Variants in FAT3 observed in about 807,000 individuals in gnomAD.
FAT3 encodes FAT atypical cadherin 3.
Under a neutral mutation model 310.2 loss-of-function variants are expected in FAT3, and 95 were observed. The observed-to-expected ratio is 0.31, with a 90% CI of 0.26 to 0.36. The LOEUF (loss-of-function observed/expected upper bound fraction) is 0.36. FAT3 is among the 10% of genes least tolerant of loss of function. The pLI, the probability that FAT3 is intolerant of heterozygous loss-of-function variation, is 1.00. For synonymous variants in FAT3, 2,314 were observed against 2,192.9 expected, an observed-to-expected ratio of 1.06 and a Z score of -1.54; for missense variants, 5,408 against 5,715.6, an observed-to-expected ratio of 0.95 and a Z score of 1.74.
intron 2 of FAT3, among the ~76,000 whole-genome samples, chr11:92,442,102 TATATATA>T (rs1264431710): frequency 2.3e-3 from 115 of 51,028 alleles, no homozygotes; most frequent in Non-Finnish European, 2.6e-3. Context: ...TATATATATA[TATATATA>T]TATTTTTTTT....
At chr11:92,885,097 A>G (rs1778393259) in intron 24 of FAT3, among the ~76,000 whole-genome samples, 1 of 152,220 alleles carries the variant, frequency 6.6e-6, no homozygotes, top group Non-Finnish European at 1.5e-5. Context: ...AAATAGATGT[A>G]TAGTGAGCCT....
At position 92,866,168 on chromosome 11, in the gene FAT3, C is replaced by G. The variant is rs1452353555; in HGVS notation, c.11659-573C>G. On this transcript the variant is annotated intron_variant, in intron 21 of 27. Transcript: ENST00000525166. ...ATTTCTACCAGGCCTCTTTCTTTCC[C>G]CTGTGGAGCACTCATATAAATGTAT... 4.6e-5 allele frequency among the ~76,000 whole-genome samples: 7 copies of G among 152,152 alleles called. No individual in the cohort carries two copies. In the East Asian group the frequency reaches 1.3e-3, roughly 29 times the overall value.
In FAT3 at chr11:92,412,752, C is replaced by CACACATATATATATATATATAT. The variant is rs1565296555; in HGVS notation, c.3292+57349_3292+57350insCACATATATATATATATATATA. Reference sequence around the variant, plus strand: ...ATATATATATATATATATAAATATACATACATATATATATATTTAATGTAA... The same window carrying CACACATATATATATATATATAT: ...ATATATATATATATATATAAATATACACACATATATATATATATATATATACATATATATATATTTAATGTAA... On this transcript the variant is annotated intron_variant, in intron 2 of 27. Coordinates refer to ENST00000525166, the MANE Select transcript of FAT3 (RefSeq NM_001367949.2). Among the ~76,000 whole-genome samples, 10 of 24,274 alleles carry CACACATATATATATATATATAT rather than the reference C, an allele frequency of 4.1e-4. 2 individuals are homozygous for CACACATATATATATATATATAT. Among genetic ancestry groups the CACACATATATATATATATATAT allele is most frequent in the African/African-American group, 1.1e-3 (10 of 9,326 alleles). The allele number at this position is 24,274 out of a possible 152,430, so 15.9% of individuals were successfully genotyped here. A position where few individuals can be genotyped will look rare whatever the true frequency, so the allele number is the denominator to read the frequency against.
chr11:92,659,748 G>A (rs1302770793), intron 3 of FAT3, among the ~76,000 whole-genome samples: 1 of 152,172 alleles, frequency 6.6e-6, no homozygotes, highest in Non-Finnish European at 1.5e-5. Flanking sequence ...CGTGAGTTAT[G>A]AGTGCTGATT....
intron 3 of FAT3, among the ~76,000 whole-genome samples, chr11:92,658,041 A>G (rs1159180658): frequency 6.6e-6 from 1 of 152,252 alleles, no homozygotes; most frequent in Non-Finnish European, 1.5e-5. Flanking sequence ...TTAGCTCAGT[A>G]TACAGGAAAC....
At chr11:92,245,241 A>T (rs1179368994) in intron 1 of FAT3, among the ~76,000 whole-genome samples, 1 of 152,114 alleles carries the variant, frequency 6.6e-6, no homozygotes. Flanking sequence ...TAACACAAGA[A>T]TAGAAAACCA....
intron 2 of FAT3, among the ~76,000 whole-genome samples, chr11:92,375,370 G>A (rs1470744518): frequency 6.6e-6 from 1 of 152,054 alleles, no homozygotes; most frequent in Non-Finnish European, 1.5e-5. Flanking sequence ...TGAACTCCTA[G>A]GCTCAAGCTC....
chr11:92,444,266 C>T (rs1951156946), intron 2 of FAT3, among the ~76,000 whole-genome samples: 1 of 152,052 alleles, frequency 6.6e-6, no homozygotes, highest in Non-Finnish European at 1.5e-5. Flanking sequence ...GGGATTTACT[C>T]AATCCAGTTA....
chr11:92,837,538 G>A (rs928392112), intron 16 of FAT3, 125 bp from the exon 17 acceptor site: 1 of 1,203,616 alleles, frequency 8.3e-7, no homozygotes, highest in East Asian at 2.5e-5. Context: ...CACCCGGTCT[G>A]GAAAATCAAA....
intron 4 of FAT3, among the ~76,000 whole-genome samples, chr11:92,700,985 G>C (rs530184634): frequency 6.6e-6 from 1 of 152,252 alleles, no homozygotes; most frequent in African/African-American, 2.4e-5. Context: ...GTATCATTGA[G>C]AATGTAGAAT....
rs187505035 is a variant in FAT3 at position 92,644,795 on chromosome 11, G to A, written c.3608-52589G>A. On this transcript the variant is annotated intron_variant, in intron 3 of 27. Transcript: ENST00000525166. ...GGCAGAGTCAGAAGTTAATTGAAGC[G>A]GCTGCCACATCGCATCTCACAGAGA... Among the ~76,000 whole-genome samples, 7 of 152,324 alleles carry A rather than the reference G, an allele frequency of 4.6e-5. No homozygotes were observed. In the South Asian group the frequency reaches 6.2e-4, roughly 14 times the overall value.
intron 12 of FAT3, among the ~76,000 whole-genome samples, chr11:92,808,200 A>T (rs892793266): frequency 6.6e-6 from 1 of 152,240 alleles, no homozygotes; most frequent in Admixed American, 6.5e-5. Flanking sequence ...CCCAGGGGAT[A>T]TTGTAATCCA....
At chr11:92,726,451 T>C (rs1239880782) in intron 4 of FAT3, among the ~76,000 whole-genome samples, 1 of 152,152 alleles carries the variant, frequency 6.6e-6, no homozygotes, top group Non-Finnish European at 1.5e-5. Context: ...GAAATTGTGG[T>C]TACGATGTTT....
chr11:92,396,895 C>T (rs1457296270), intron 2 of FAT3, among the ~76,000 whole-genome samples: 2 of 152,048 alleles, frequency 1.3e-5, no homozygotes, highest in African/African-American at 4.8e-5. Flanking sequence ...CTAGTAGAGA[C>T]AGGGTTTCAC....
intron 1 of FAT3, among the ~76,000 whole-genome samples, chr11:92,331,380 G>A (rs77689757): frequency 0.014 from 2,134 of 151,914 alleles, 50 homozygotes; most frequent in African/African-American, 0.049. Flanking sequence ...TCTTCAGGCA[G>A]GTCATATATT....
At chr11:92,565,461 A>T (rs1177782768) in intron 3 of FAT3, among the ~76,000 whole-genome samples, 4 of 142,780 alleles carry the variant, frequency 2.8e-5, no homozygotes, top group African/African-American at 1.0e-4. Context: ...CAGAGGTACA[A>T]GGAGGAACTG....
chr11:92,882,308 A>G (rs1253539449), intron 23 of FAT3, among the ~76,000 whole-genome samples: 2 of 152,204 alleles, frequency 1.3e-5, no homozygotes, highest in African/African-American at 4.8e-5. Flanking sequence ...ATTTTACATA[A>G]TGTGAAAGAT....
chr11:92,537,961 A>G lies in FAT3; in HGVS notation c.3607+13013A>G, dbSNP rs576552213. 3.7e-4 allele frequency among the ~76,000 whole-genome samples: 56 copies of G among 152,202 alleles called. 1 individual carries two copies. Among genetic ancestry groups the G allele is most frequent in the South Asian group, 1.0e-3 (5 of 4,822 alleles). ...ATATCAGGGAAAGATATTTATCTTT[A>G]TAAGTCATGTTATTGCTGGGAGTTT... On this transcript the variant is annotated intron_variant, in intron 3 of 27. Transcript: ENST00000525166.
chr11:92,566,116 T>G (rs1042200279), intron 3 of FAT3, among the ~76,000 whole-genome samples: 3 of 152,206 alleles, frequency 2.0e-5, no homozygotes, highest in Non-Finnish European at 4.4e-5. Flanking sequence ...GCAGATGACA[T>G]GATTGTGTAT....
Sources: gnomAD v4.1 joint callset for allele counts (sites outside exome capture counted in the v4.1 genomes callset) on GRCh38, gnomAD v4.1.1 for gene constraint, MANE v1.5 for transcripts, NCBI Gene and HGNC (gene_info 2026-07-23, HGNC 2026-07-21) for gene names.